GRIK2: variants seen among roughly 807,000 people sequenced by gnomAD.
The protein encoded by GRIK2 is glutamate ionotropic receptor kainate type subunit 2.
A neutral mutation model predicts 100.3 loss-of-function variants in GRIK2; 32 were observed. That is an observed-to-expected ratio of 0.32 (90% CI 0.24 to 0.43). GRIK2 has a LOEUF of 0.43. Among genes scored for constraint, GRIK2 ranks in the 20% least tolerant of loss-of-function variants. The pLI, the probability that GRIK2 is intolerant of heterozygous loss-of-function variation, is 1.00. For synonymous variants in GRIK2, 417 were observed against 389.4 expected (o/e 1.07, Z -0.83); for missense variants, 843 against 1,114.9 (o/e 0.76, Z 3.47).
intron 14 of GRIK2, among the ~76,000 whole-genome samples, chr6:102,031,128 C>CACACA (rs1562124651): frequency 3.2e-4 from 21 of 65,528 alleles, no homozygotes; most frequent in East Asian, 9.0e-4. Context: ...CACACACACA[C>CACACA]CCCCTTTGAG....
At chr6:101,966,136 A>G (rs976356281) in intron 14 of GRIK2, among the ~76,000 whole-genome samples, 1 of 152,132 alleles carries the variant, frequency 6.6e-6, no homozygotes, top group African/African-American at 2.4e-5. Context: ...TCATTTTGCC[A>G]TTATCAGAAT....
At chr6:101,522,338 A>C (rs2518247) in intron 2 of GRIK2, among the ~76,000 whole-genome samples, 16,215 of 152,038 alleles carry the variant, frequency 0.11, 1,024 homozygotes, top group Middle Eastern at 0.14. Flanking sequence ...ATTAATCCAG[A>C]TAGGTTATGT....
intron 2 of GRIK2, among the ~76,000 whole-genome samples, chr6:101,527,583 T>G (rs1357196350): frequency 2.6e-5 from 4 of 152,192 alleles, no homozygotes; most frequent in Admixed American, 2.6e-4. Context: ...TTCTCGACTT[T>G]GTGATTTTGA....
At chr6:101,575,207 A>T (rs1777738569) in intron 2 of GRIK2, among the ~76,000 whole-genome samples, 1 of 151,876 alleles carries the variant, frequency 6.6e-6, no homozygotes, top group African/African-American at 2.4e-5. Flanking sequence ...TCTATGATAG[A>T]TGGTAACATT....
intron 2 of GRIK2, among the ~76,000 whole-genome samples, chr6:101,490,559 T>G (rs1773051744): frequency 6.8e-6 from 1 of 146,910 alleles, no homozygotes; most frequent in Admixed American, 6.8e-5. Flanking sequence ...GTACAATAGA[T>G]AAGTGAAGAA....
chr6:101,629,852 C>T (rs1318030167), intron 4 of GRIK2, among the ~76,000 whole-genome samples: 2 of 151,944 alleles, frequency 1.3e-5, no homozygotes, highest in Non-Finnish European at 2.9e-5. Context: ...TTTTTCAACC[C>T]TTAACCTCTT....
chr6:102,068,146 C>A (rs569057856), intron 16 of GRIK2, among the ~76,000 whole-genome samples: 2 of 151,904 alleles, frequency 1.3e-5, no homozygotes, highest in African/African-American at 4.8e-5. Flanking sequence ...TTTCTTTAAA[C>A]TAGCCCACTT....
chr6:101,723,737 A>G (rs1465025277), intron 7 of GRIK2, among the ~76,000 whole-genome samples: 2 of 152,030 alleles, frequency 1.3e-5, no homozygotes, highest in Non-Finnish European at 2.9e-5. Flanking sequence ...TCTATATAAT[A>G]AAGACTAAAT....
intron 7 of GRIK2, among the ~76,000 whole-genome samples, chr6:101,783,968 T>G (rs1353426010): frequency 6.6e-6 from 1 of 152,202 alleles, no homozygotes; most frequent in Non-Finnish European, 1.5e-5. Flanking sequence ...ATCTTATGTT[T>G]AAAAATGGAA....
At chr6:101,481,792 G>A (rs1772544214) in intron 2 of GRIK2, among the ~76,000 whole-genome samples, 1 of 152,054 alleles carries the variant, frequency 6.6e-6, no homozygotes, top group Admixed American at 6.6e-5. Flanking sequence ...TTCTCCAATT[G>A]CAATCCCCGT....
chr6:101,713,433 C>G (rs1773853242), intron 7 of GRIK2, among the ~76,000 whole-genome samples: 1 of 151,554 alleles, frequency 6.6e-6, no homozygotes, highest in South Asian at 2.1e-4. Context: ...GACCTAATGT[C>G]ATTCATTAGT....
chr6:101,607,882 C>T (rs1779504193), intron 2 of GRIK2, among the ~76,000 whole-genome samples: 1 of 151,720 alleles, frequency 6.6e-6, no homozygotes, highest in Admixed American at 6.6e-5. Flanking sequence ...AGGTCATGAA[C>T]TCACCTTGCA....
chr6:102,006,215 A>G (rs1795216426), intron 14 of GRIK2, among the ~76,000 whole-genome samples: 1 of 151,846 alleles, frequency 6.6e-6, no homozygotes, highest in Non-Finnish European at 1.5e-5. Context: ...TGTGTAATAA[A>G]AAATAAATAC....
intron 10 of GRIK2, among the ~76,000 whole-genome samples, chr6:101,826,089 T>G (rs1782308547): frequency 6.6e-6 from 1 of 150,510 alleles, no homozygotes; most frequent in Non-Finnish European, 1.5e-5. Context: ...GAGGTGTGTT[T>G]TCTTAGATTC....
At chr6:101,784,832 A>G (rs982170812) in intron 7 of GRIK2, among the ~76,000 whole-genome samples, 1 of 152,286 alleles carries the variant, frequency 6.6e-6, no homozygotes, top group Non-Finnish European at 1.5e-5. Flanking sequence ...TGCAGAACTG[A>G]TTCAATTAAA....
At chr6:101,906,034 A>G (rs929846698) in intron 12 of GRIK2, among the ~76,000 whole-genome samples, 5 of 151,662 alleles carry the variant, frequency 3.3e-5, no homozygotes, top group Admixed American at 1.3e-4. Context: ...CTCAAATATT[A>G]AAGTGCGTTT....
intron 9 of GRIK2, among the ~76,000 whole-genome samples, chr6:101,813,602 T>A (rs1480199881): frequency 6.6e-6 from 1 of 152,136 alleles, no homozygotes; most frequent in Non-Finnish European, 1.5e-5. Flanking sequence ...ACCTTTTCCT[T>A]GTAGCAAAAT....
At chr6:101,978,626 C>T (rs9498785) in intron 14 of GRIK2, among the ~76,000 whole-genome samples, 1,596 of 151,902 alleles carry the variant, frequency 0.011, 30 homozygotes, top group African/African-American at 0.037. Context: ...AGCCAACTTC[C>T]CTGTGTTTTT....
At chr6:101,840,285 A>T (rs1446039380) in intron 10 of GRIK2, among the ~76,000 whole-genome samples, 2 of 152,236 alleles carry the variant, frequency 1.3e-5, no homozygotes, top group African/African-American at 4.8e-5. Context: ...GCCATGAGAC[A>T]TTCAAAACCA....
Sources: allele counts gnomAD v4.1 joint callset (sites outside exome capture counted in the v4.1 genomes callset), GRCh38; gene constraint gnomAD v4.1.1; transcripts MANE v1.5; gene names NCBI Gene and HGNC (gene_info 2026-07-23, HGNC 2026-07-21).